Variants in BCKDHB observed in about 807,000 individuals in gnomAD.
BCKDHB encodes branched chain keto acid dehydrogenase E1 subunit beta, also known as 2-oxoisovalerate dehydrogenase subunit beta, mitochondrial.
In BCKDHB, 41 loss-of-function variants were observed where a neutral mutation model predicts 48.5. The observed-to-expected ratio is 0.85, with a 90% CI of 0.66 to 1.10. The LOEUF (loss-of-function observed/expected upper bound fraction) is 1.10. Ranked by LOEUF, BCKDHB falls within the 50% of genes least tolerant of loss-of-function variation. The pLI is 0.00. For missense variants in BCKDHB, 496 were observed against 494.2 expected (o/e 1.00, Z -0.03); for synonymous variants, 201 against 174.8 (o/e 1.15, Z -1.18).
In BCKDHB at chr6:80,169,678, T is replaced by G. The variant is rs9448904; in HGVS notation, c.633+648T>G. The G allele has an allele frequency of 3.0e-4, 209 of 701,806 alleles. 1 individual carries two copies. In the African/African-American group the frequency reaches 3.3e-3, roughly 11 times the overall value. The allele number at this position is 701,806 out of a possible 1,614,324, so 43.5% of individuals were successfully genotyped here. ...TTCTGTTTCTGTTTACTGAATAAGC[T>G]TTTCAGGGGATCATTGTAGAAACCC... On this transcript the variant is annotated intron_variant, in intron 5 of 9. Transcript: ENST00000320393.
intron 8 of BCKDHB, among the ~76,000 whole-genome samples, chr6:80,215,791 T>C (rs1158868948): frequency 1.3e-5 from 2 of 152,184 alleles, no homozygotes; most frequent in African/African-American, 4.8e-5. Flanking sequence ...GCCACCAGTC[T>C]GGAGTGCAGT....
chr6:80,120,815 C>G (rs1582176503), intron 1 of BCKDHB, among the ~76,000 whole-genome samples: 1 of 152,182 alleles, frequency 6.6e-6, no homozygotes, highest in East Asian at 1.9e-4. Context: ...TGTAGGTTGC[C>G]CGTTCACTCT....
the BCKDHB span, among the ~76,000 whole-genome samples, chr6:80,465,063 A>G: frequency 6.6e-6 from 1 of 152,094 alleles, no homozygotes; most frequent in African/African-American, 2.4e-5. Context: ...AGCACCAGAG[A>G]GTGTTAACTA....
intron 8 of BCKDHB, among the ~76,000 whole-genome samples, chr6:80,252,928 C>G (rs1277382812): frequency 6.6e-6 from 1 of 152,110 alleles, no homozygotes; most frequent in Non-Finnish European, 1.5e-5. Context: ...TCACCCCCTC[C>G]TCCTCTCAGC....
At chr6:80,248,647 G>C (rs1000901281) in intron 8 of BCKDHB, among the ~76,000 whole-genome samples, 2 of 152,152 alleles carry the variant, frequency 1.3e-5, no homozygotes, top group African/African-American at 4.8e-5. Flanking sequence ...AGTTGGGGCA[G>C]AATGAGTGGA....
At chr6:80,310,944 AG>A (rs1307705786) in intron 9 of BCKDHB, among the ~76,000 whole-genome samples, 2 of 151,888 alleles carry the variant, frequency 1.3e-5, no homozygotes, top group African/African-American at 4.8e-5. Flanking sequence ...CTTTTTAATG[AG>A]GTTCTTTTTT....
At chr6:80,207,159 G>A (rs1024733259) in intron 8 of BCKDHB, among the ~76,000 whole-genome samples, 2 of 151,944 alleles carry the variant, frequency 1.3e-5, no homozygotes, top group African/African-American at 2.4e-5. Flanking sequence ...CTATAGCTTA[G>A]TATTGATTAT....
rs2127775531 is a variant in BCKDHB at position 80,168,913 on chromosome 6, G to A, written c.516G>A (p.Gly172=). The change falls in exon 5 of 10, where the codon GGG becomes GGA. Residue 172 remains glycine, a synonymous_variant. Coordinates refer to ENST00000320393, the MANE Select transcript of BCKDHB (RefSeq NM_183050.4). ...CTGCCAAGTATCGCTATCGCTCTGG[G>A]GATCTTTTTAACTGTGGAAGCCTCA... ...NEAAKYRYRS[G]DLFNCGSLTI... The A allele has an allele frequency of 6.2e-7, 1 of 1,614,102 alleles. No homozygotes were observed. Among genetic ancestry groups the A allele is most frequent in the Non-Finnish European group, 8.5e-7 (1 of 1,179,998 alleles).
At chr6:80,329,396 TG>T (rs1221613607) in intron 9 of BCKDHB, among the ~76,000 whole-genome samples, 1 of 152,218 alleles carries the variant, frequency 6.6e-6, no homozygotes, top group Non-Finnish European at 1.5e-5. Context: ...ATGATATTTC[TG>T]GGTATCCTAT....
At chr6:80,215,219 C>T (rs944944075) in intron 8 of BCKDHB, among the ~76,000 whole-genome samples, 3 of 152,108 alleles carry the variant, frequency 2.0e-5, no homozygotes, top group African/African-American at 7.2e-5. Context: ...AGGGCGGTGC[C>T]CTCCTCTCAG....
chr6:80,181,810 C>T (rs1050353893), intron 6 of BCKDHB, among the ~76,000 whole-genome samples: 1 of 152,122 alleles, frequency 6.6e-6, no homozygotes, highest in Non-Finnish European at 1.5e-5. Flanking sequence ...ACCATCTCTT[C>T]ATGGGAAAAG....
chr6:80,238,748 C>G (rs998010940), intron 8 of BCKDHB, among the ~76,000 whole-genome samples: 1 of 125,826 alleles, frequency 7.9e-6, no homozygotes, highest in African/African-American at 2.5e-5. Context: ...TATCCCTCCC[C>G]CCTCCTCCCA....
At chr6:80,389,822 T>C in the BCKDHB span, among the ~76,000 whole-genome samples, 1 of 152,066 alleles carries the variant, frequency 6.6e-6, no homozygotes, top group Non-Finnish European at 1.5e-5. Flanking sequence ...CAGCAACCAA[T>C]ATATAGTACT....
At chr6:80,238,472 G>A (rs912947028) in intron 8 of BCKDHB, among the ~76,000 whole-genome samples, 5 of 152,186 alleles carry the variant, frequency 3.3e-5, no homozygotes, top group East Asian at 1.9e-4. Flanking sequence ...GAGTTCAGTT[G>A]AGCAAATAAC....
At chr6:80,262,353 C>T (rs748957760) in intron 8 of BCKDHB, among the ~76,000 whole-genome samples, 9 of 152,124 alleles carry the variant, frequency 5.9e-5, no homozygotes, top group Non-Finnish European at 1.0e-4. Context: ...TTTTTTTGAC[C>T]GTGGTAACAC....
intron 6 of BCKDHB, among the ~76,000 whole-genome samples, chr6:80,174,021 A>G (rs1773037439): frequency 6.6e-6 from 1 of 152,120 alleles, no homozygotes; most frequent in Admixed American, 6.6e-5. Flanking sequence ...GGTGCTTTAC[A>G]TTCATTTCAA....
At chr6:80,351,312 A>ATG in the BCKDHB span, among the ~76,000 whole-genome samples, 3 of 150,618 alleles carry the variant, frequency 2.0e-5, no homozygotes, top group South Asian at 2.1e-4. Flanking sequence ...TAAGGTGTCT[A>ATG]TGTGTGTGTG....
intron 3 of BCKDHB, among the ~76,000 whole-genome samples, chr6:80,139,746 C>T (rs1468406344): frequency 6.6e-6 from 1 of 151,996 alleles, no homozygotes; most frequent in African/African-American, 2.4e-5. Flanking sequence ...GTGATGCCTC[C>T]AGCTTTGTTC....
chr6:80,458,954 T>C, the BCKDHB span, among the ~76,000 whole-genome samples: 1 of 152,200 alleles, frequency 6.6e-6, no homozygotes, highest in Non-Finnish European at 1.5e-5. Flanking sequence ...GGATGACTAT[T>C]ATTTTAAAAA....
Sources: allele counts gnomAD v4.1 joint callset (sites outside exome capture counted in the v4.1 genomes callset), GRCh38; gene constraint gnomAD v4.1.1; transcripts MANE v1.5; gene names NCBI Gene and HGNC (gene_info 2026-07-23, HGNC 2026-07-21).